The following FREM3 variants were observed in gnomAD, a reference collection of about 807,000 sequenced individuals.
FREM3 encodes the protein FRAS1 related extracellular matrix 3.
A neutral mutation model predicts 129.1 loss-of-function variants in FREM3; 105 were observed. That is an observed-to-expected ratio of 0.81 (90% CI 0.69 to 0.96). FREM3 has a LOEUF of 0.96. Ranked by LOEUF, FREM3 falls within the 40% of genes least tolerant of loss-of-function variation. FREM3 has a pLI of 0.00. For missense variants in FREM3, 2,593 were observed against 2,666.3 expected, an observed-to-expected ratio of 0.97 and a Z score of 0.61; for synonymous variants, 1,014 against 1,044.9, an observed-to-expected ratio of 0.97 and a Z score of 0.57.
At chr4:143,660,289 G>C (rs1476137692) in intron 2 of FREM3, among the ~76,000 whole-genome samples, 5 of 151,974 alleles carry the variant, frequency 3.3e-5, no homozygotes, top group South Asian at 2.1e-4. Flanking sequence ...TCCAGTTTCA[G>C]CTTTCTACAT....
intron 6 of FREM3, among the ~76,000 whole-genome samples, chr4:143,610,750 T>C (rs1375063410): frequency 6.6e-6 from 1 of 152,134 alleles, no homozygotes; most frequent in African/African-American, 2.4e-5. Context: ...GGGGAGTTGG[T>C]GTTTAGGAAT....
rs114295924 is a variant in FREM3, at chr4:143,682,744, A to G, written c.5275+10369T>C. Among the ~76,000 whole-genome samples, 1,261 of 152,234 alleles carry G rather than the reference A, an allele frequency of 8.3e-3. 18 individuals carry two copies. The highest frequency in any genetic ancestry group is 0.029 in the African/African-American group (1,195 of 41,540). On this transcript the variant is annotated intron_variant, in intron 2 of 7. Coordinates refer to ENST00000329798, the MANE Select transcript of FREM3 (RefSeq NM_001168235.2). Reference sequence around the variant, plus strand: ...AGATAGTGTTTATTGAGTGTTTACTATGTGTCGGGCACTCTTCTAAGTGCC... The same window carrying G: ...AGATAGTGTTTATTGAGTGTTTACTGTGTGTCGGGCACTCTTCTAAGTGCC...
intron 7 of FREM3, among the ~76,000 whole-genome samples, chr4:143,581,927 A>T (rs1174555466): frequency 6.6e-6 from 1 of 151,808 alleles, no homozygotes; most frequent in Admixed American, 6.6e-5. Context: ...TGAGTGCTTT[A>T]CTCACACCTC....
intron 6 of FREM3, among the ~76,000 whole-genome samples, chr4:143,593,766 A>C (rs963894882): frequency 7.2e-5 from 11 of 152,196 alleles, no homozygotes; most frequent in Admixed American, 3.3e-4. Context: ...CAAAGCTGTC[A>C]GATAGGGACA....
At chr4:143,667,447 A>G (rs773747127) in intron 2 of FREM3, among the ~76,000 whole-genome samples, 2 of 152,204 alleles carry the variant, frequency 1.3e-5, no homozygotes, top group Non-Finnish European at 2.9e-5. Flanking sequence ...GAACTGGGAA[A>G]TCTATTACAA....
chr4:143,652,778 G>C (rs889578691), intron 2 of FREM3, among the ~76,000 whole-genome samples: 4 of 152,114 alleles, frequency 2.6e-5, no homozygotes, highest in African/African-American at 7.2e-5. Context: ...ACAGTTGCAT[G>C]CCTCCATGCC....
At chr4:143,660,185 A>G (rs1411584475) in intron 2 of FREM3, among the ~76,000 whole-genome samples, 1 of 148,490 alleles carries the variant, frequency 6.7e-6, no homozygotes, top group Non-Finnish European at 1.5e-5. Context: ...GGTAATGCCT[A>G]GGTTTTCTTC....
chr4:143,628,490 T>C (rs1009255893), intron 2 of FREM3, among the ~76,000 whole-genome samples: 1 of 152,130 alleles, frequency 6.6e-6, no homozygotes, highest in Non-Finnish European at 1.5e-5. Context: ...TGAAAAGATG[T>C]TGAAGTAGAA....
At chr4:143,663,339 A>G (rs1289291946) in intron 2 of FREM3, among the ~76,000 whole-genome samples, 2 of 151,948 alleles carry the variant, frequency 1.3e-5, no homozygotes, top group Admixed American at 6.6e-5. Context: ...TCCTTCACTT[A>G]TGAAGCTTAG....
chr4:143,667,426 T>TA (rs910423805), intron 2 of FREM3, among the ~76,000 whole-genome samples: 16 of 151,210 alleles, frequency 1.1e-4, no homozygotes, highest in East Asian at 3.9e-4. Context: ...CAAACTACTT[T>TA]AAAAAAAAAG....
intron 6 of FREM3, among the ~76,000 whole-genome samples, chr4:143,586,981 G>A (rs1738254242): frequency 6.6e-6 from 1 of 152,158 alleles, no homozygotes; most frequent in South Asian, 2.1e-4. Context: ...AATGCACCAG[G>A]AGTGTATCTG....
chr4:143,697,378 T>C lies in FREM3; in HGVS notation c.3298A>G (p.Thr1100Ala). 1 of 1,537,128 alleles carries C rather than the reference T, an allele frequency of 6.5e-7. No individual in the cohort carries two copies. The highest frequency in any genetic ancestry group is 8.7e-7 in the Non-Finnish European group (1 of 1,146,862). Residue 1100 changes from threonine to alanine, a missense_variant, in exon 1 of 8, where the codon ACT becomes GCT. Coordinates refer to ENST00000329798, the MANE Select transcript of FREM3 (RefSeq NM_001168235.2). ...GTGCAGAGGAGTTCATCTTGATGAGTGTCCACATCTTCAACATGGAGATGT... is the reference window on the plus strand; with the variant it reads ...GTGCAGAGGAGTTCATCTTGATGAGCGTCCACATCTTCAACATGGAGATGT... ...LQHLHVEDVDTHQDELLCTVT... is the reference protein window; with the variant it reads ...LQHLHVEDVDAHQDELLCTVT...
At chr4:143,658,640 A>AT (rs1037831605) in intron 2 of FREM3, among the ~76,000 whole-genome samples, 2 of 152,216 alleles carry the variant, frequency 1.3e-5, no homozygotes, top group African/African-American at 4.8e-5. Context: ...CCTGGGCGGC[A>AT]TGCGGCCCAG....
chr4:143,695,861 C>A lies in FREM3; in HGVS notation c.4815G>T (p.Leu1605=). Residue 1605 remains leucine, a synonymous_variant, in exon 1 of 8, where the codon CTG becomes CTT. Transcript: ENST00000329798. ...CACTGCCGTCATGCTTGTAGCTAAT[C>A]AGGTTCTTGTTCAGGTCTTGCTTGG... ...TFTKQDLNKN[L]ISYKHDGSET... is the part of the protein sequence containing the mutation. 6.5e-7 allele frequency: 1 copy of A among 1,537,468 alleles called. No individual in the cohort carries two copies. Among genetic ancestry groups the A allele is most frequent in the Non-Finnish European group, 8.7e-7 (1 of 1,146,974 alleles).
At chr4:143,662,704 T>A (rs1342262013) in intron 2 of FREM3, among the ~76,000 whole-genome samples, 2 of 151,950 alleles carry the variant, frequency 1.3e-5, no homozygotes, top group African/African-American at 4.8e-5. Context: ...CCCATTATTA[T>A]TGTGTGGGAG....
chr4:143,698,691 G>T lies in FREM3; in HGVS notation c.1985C>A (p.Pro662Gln), dbSNP rs372508605. 1 of 1,537,356 alleles carries T rather than the reference G, an allele frequency of 6.5e-7. No homozygotes were observed. The highest frequency in any genetic ancestry group is 1.4e-5 in the African/African-American group (1 of 73,024). Residue 662 changes from proline (P) to glutamine (Q), a missense_variant, in exon 1 of 8, where the codon CCA becomes CAA. This residue lies in a region of FREM3 where 2,276 missense variants were observed against 2,267.2 expected (regional missense o/e 1.00). Coordinates refer to ENST00000329798, the MANE Select transcript of FREM3 (RefSeq NM_001168235.2). ...EGRLFYRHLGPHSPQSVMVQL... is the reference protein window; with the variant it reads ...EGRLFYRHLGQHSPQSVMVQL... ...GACCATTACAGATTGAGGGCTGTGTGGTCCAAGATGGCGGTAGAAGAGTCT... is the reference window on the plus strand; with the variant it reads ...GACCATTACAGATTGAGGGCTGTGTTGTCCAAGATGGCGGTAGAAGAGTCT...
rs553538604 is a variant in FREM3, at chr4:143,638,023, A to G, written c.5276-10263T>C. Among the ~76,000 whole-genome samples, 7 of 152,200 alleles carry G rather than the reference A, an allele frequency of 4.6e-5. No homozygotes were observed. The East Asian group carries it at 1.4e-3, about 29-fold the overall frequency. ...TGTACCCAAACTGTCTTGATGATAT[A>G]TTTGGCTCTCCGTTTTGGAGAATAA... is the stretch of plus-strand genomic sequence containing the variant. On this transcript the variant is annotated intron_variant, in intron 2 of 7. Transcript: ENST00000329798.
chr4:143,615,595 G>C (rs1458416818), intron 5 of FREM3, among the ~76,000 whole-genome samples: 1 of 152,050 alleles, frequency 6.6e-6, no homozygotes, highest in Non-Finnish European at 1.5e-5. Flanking sequence ...AGATTGGCCA[G>C]TCAGGTACTC....
intron 2 of FREM3, 29 bp downstream of exon 2, chr4:143,693,084 A>G: frequency 2.6e-6 from 3 of 1,172,002 alleles, no homozygotes; most frequent in Middle Eastern, 2.2e-4. Context: ...TTAACCATGA[A>G]TCCTTTTGAA....
Sources: allele counts gnomAD v4.1 joint callset (sites outside exome capture counted in the v4.1 genomes callset), GRCh38; gene constraint gnomAD v4.1.1; regional missense constraint gnomAD v4.1.1; transcripts MANE v1.5; gene names NCBI Gene and HGNC (gene_info 2026-07-23, HGNC 2026-07-21).